Variants in PCDH11X observed in about 807,000 individuals in gnomAD.
PCDH11X encodes the protein protocadherin-11 X-linked.
Under a neutral mutation model 53.3 loss-of-function variants are expected in PCDH11X, and 18 were observed. That is an observed-to-expected ratio of 0.34 (90% CI 0.23 to 0.50). The LOEUF (loss-of-function observed/expected upper bound fraction) is 0.50, where lower values mean the gene tolerates loss of function less well. PCDH11X is among the 20% of genes least tolerant of loss of function. PCDH11X has a pLI of 0.98. For missense variants in PCDH11X, 570 were observed against 1,032.4 expected, an observed-to-expected ratio of 0.55 and a Z score of 6.14; for synonymous variants, 279 against 393.3, an observed-to-expected ratio of 0.71 and a Z score of 3.44.
intron 8 of PCDH11X, among the ~76,000 whole-genome samples, chrX:92,312,506 G>T (rs994848521): frequency 1.7e-4 from 19 of 110,331 alleles, no homozygotes; most frequent in Non-Finnish European, 3.8e-5. Flanking sequence ...TGGGAAAAAG[G>T]TTTTGACTAA....
At chrX:92,423,834 G>A (rs1400743840) in intron 9 of PCDH11X, among the ~76,000 whole-genome samples, 1 of 97,110 alleles carries the variant, frequency 1.0e-5, no homozygotes, top group Non-Finnish European at 2.3e-5. Flanking sequence ...TCTCTATTCT[G>A]TTCCATTTGT....
Position 91,878,517 on chromosome X carries a change from T to G in PCDH11X, c.2277T>G (p.Pro759=), listed in dbSNP as rs751699430. ...TCAAAGCTAATGACTTAGGACAGCC[T>G]GATTCTCTCTTCAGTGTTGTAATTG... ...VLVKANDLGQ[P]DSLFSVVIVN... is the part of the protein sequence containing the mutation. Residue 759 remains proline (P), a synonymous_variant, in exon 6 of 11, where the codon CCT becomes CCG. Transcript: ENST00000682573. 1.7e-6 allele frequency: 2 copies of G among 1,211,216 alleles called. No homozygotes were observed. The highest frequency in any genetic ancestry group is 1.7e-5 in the African/African-American group (1 of 57,643).
chrX:91,824,218 G>T (rs1341121429), intron 4 of PCDH11X, among the ~76,000 whole-genome samples: 1 of 110,928 alleles, frequency 9.0e-6, no homozygotes, highest in South Asian at 3.9e-4. Context: ...TTGAATGTTG[G>T]CCTACCTTGC....
chrX:92,136,124 A>G (rs1479229157), intron 6 of PCDH11X, among the ~76,000 whole-genome samples: 2 of 111,051 alleles, frequency 1.8e-5, no homozygotes, highest in Non-Finnish European at 3.8e-5. Context: ...ATTAGCTGTT[A>G]AGCACTATTC....
chrX:92,131,468 G>T (rs1295927258), intron 6 of PCDH11X, among the ~76,000 whole-genome samples: 1 of 111,305 alleles, frequency 9.0e-6, no homozygotes, highest in Non-Finnish European at 1.9e-5. Flanking sequence ...GCTATTTCTC[G>T]CAGCCCAATA....
At chrX:91,945,856 T>G (rs2147863251) in intron 6 of PCDH11X, among the ~76,000 whole-genome samples, 1 of 110,674 alleles carries the variant, frequency 9.0e-6, no homozygotes, top group South Asian at 3.8e-4. Flanking sequence ...TATACCCTAC[T>G]TCTCAGCTCT....
Position 92,263,134 on chromosome X carries a change from G to T in PCDH11X, c.3135G>T (p.Val1045=). Residue 1045 remains valine (V), a synonymous_variant, in exon 8 of 11, where the codon GTG becomes GTT. Transcript: ENST00000682573. ...PQPQRKSEGK[V]AGKSQRRVTF... is the part of the protein sequence containing the mutation. ...ATCAGCGGAAATCTGAAGGGAAAGTGGCAGGAAAGGTAAGACTGCAAATTT... is the reference window on the plus strand; with the variant it reads ...ATCAGCGGAAATCTGAAGGGAAAGTTGCAGGAAAGGTAAGACTGCAAATTT... 8.5e-7 allele frequency: 1 copy of T among 1,181,730 alleles called. No individual in the cohort carries two copies. Among genetic ancestry groups the T allele is most frequent in the South Asian group, 1.9e-5 (1 of 53,560 alleles).
intron 6 of PCDH11X, among the ~76,000 whole-genome samples, chrX:92,015,267 G>A (rs765086356): frequency 9.0e-6 from 1 of 111,502 alleles, no homozygotes; most frequent in South Asian, 3.8e-4. Flanking sequence ...GAAGGGTCTT[G>A]CCTTGATGTT....
At chrX:92,033,307 G>A (rs2063079208) in intron 6 of PCDH11X, among the ~76,000 whole-genome samples, 2 of 106,448 alleles carry the variant, frequency 1.9e-5, no homozygotes, top group South Asian at 8.3e-4. Context: ...GTTTGAGTAG[G>A]ATTGGCATTA....
At chrX:92,176,954 GT>G (rs771094303) in intron 6 of PCDH11X, among the ~76,000 whole-genome samples, 28 of 101,925 alleles carry the variant, frequency 2.7e-4, no homozygotes, top group Admixed American at 5.4e-4. Context: ...GTACAACGTA[GT>G]TTTTTTTTTT....
intron 1 of PCDH11X, among the ~76,000 whole-genome samples, chrX:91,804,726 T>C (rs1467340780): frequency 1.8e-5 from 2 of 111,096 alleles, no homozygotes; most frequent in Non-Finnish European, 3.8e-5. Context: ...AGTATGAAAG[T>C]TTAAAAATGG....
intron 9 of PCDH11X, among the ~76,000 whole-genome samples, chrX:92,406,098 C>CAAAAA (rs61310716): frequency 1.2e-4 from 7 of 56,451 alleles, no homozygotes; most frequent in Non-Finnish European, 1.5e-4. Flanking sequence ...GACTCTGTCT[C>CAAAAA]AAAAAAAAAA....
At chrX:91,917,516 C>G (rs1220298954) in intron 6 of PCDH11X, among the ~76,000 whole-genome samples, 1 of 61,042 alleles carries the variant, frequency 1.6e-5, no homozygotes, top group Non-Finnish European at 2.8e-5. Flanking sequence ...TATACTCTAA[C>G]AACAGCCAAG....
At position 92,151,317 on chromosome X, in the gene PCDH11X, C is replaced by G. The variant is rs752052400; in HGVS notation, c.3034-50058C>G. Among the ~76,000 whole-genome samples the G allele has an allele frequency of 1.2e-4, 13 of 110,155 alleles. No individual in the cohort carries two copies. The East Asian group carries it at 2.3e-3, about 19-fold the overall frequency. ...AAGCCATTCTCCTGCCTCAGCCTTC[C>G]GAGTAGCTGGGACTACAGGGGCCCG... On this transcript the variant is annotated intron_variant, in intron 6 of 10. Transcript: ENST00000682573.
chrX:92,552,161 T>G (rs1205256127), intron 10 of PCDH11X, among the ~76,000 whole-genome samples: 1 of 93,208 alleles, frequency 1.1e-5, no homozygotes, highest in African/African-American at 3.8e-5. Context: ...TTAACAATAT[T>G]AATTTTACCA....
At chrX:92,283,613 G>C (rs758864877) in intron 8 of PCDH11X, among the ~76,000 whole-genome samples, 77 of 111,512 alleles carry the variant, frequency 6.9e-4, no homozygotes, top group Admixed American at 2.2e-3. Context: ...TCTACAAATC[G>C]TATGATTTTC....
At chrX:92,375,155 TA>T (rs2070712379) in intron 8 of PCDH11X, among the ~76,000 whole-genome samples, 1 of 12,243 alleles carries the variant, frequency 8.2e-5, no homozygotes, top group Non-Finnish European at 2.2e-4. Flanking sequence ...TATATATATA[TA>T]TATATATATA....
chrX:92,198,199 C>A, intron 6 of PCDH11X, among the ~76,000 whole-genome samples: 1 of 97,138 alleles, frequency 1.0e-5, no homozygotes, highest in East Asian at 3.2e-4. Flanking sequence ...AGTTTGAGAT[C>A]AGCCTGGGTA....
chrX:91,942,478 G>A (rs1057236351), intron 6 of PCDH11X, among the ~76,000 whole-genome samples: 2 of 109,499 alleles, frequency 1.8e-5, no homozygotes, highest in African/African-American at 6.6e-5. Context: ...CAAATTACTC[G>A]AAAAATGCAA....
Sources: gnomAD v4.1 joint callset for allele counts (sites outside exome capture counted in the v4.1 genomes callset) on GRCh38, gnomAD v4.1.1 for gene constraint, MANE v1.5 for transcripts, NCBI Gene and HGNC (gene_info 2026-07-23, HGNC 2026-07-21) for gene names.